WDR3: variants seen among roughly 807,000 people sequenced by gnomAD.
WDR3 encodes the protein WD repeat domain 3, also known as WD repeat-containing protein 3.
Under a neutral mutation model 123.7 loss-of-function variants are expected in WDR3, and 81 were observed. The ratio of observed to expected loss-of-function variants is 0.65; its 90% CI spans 0.55 to 0.79. The LOEUF (loss-of-function observed/expected upper bound fraction) is 0.79, where lower values mean the gene tolerates loss of function less well. Ranked by LOEUF, WDR3 falls within the 30% of genes least tolerant of loss-of-function variation. The probability of loss-of-function intolerance (pLI) is 0.00; values close to 1 mark genes in which losing one functional copy is unlikely to be tolerated. For synonymous variants in WDR3, 390 were observed against 388.8 expected (o/e 1.00, Z -0.04); for missense variants, 1,027 against 1,123.2 (o/e 0.91, Z 1.22).
intron 1 of WDR3, among the ~76,000 whole-genome samples, chr1:117,932,418 C>T (rs1650762489): frequency 6.6e-6 from 1 of 152,152 alleles, no homozygotes; most frequent in Admixed American, 6.5e-5. Flanking sequence ...AAATCAGAAA[C>T]AGGTGCTGGG....
chr1:117,956,864 C>T (rs1652275092), intron 24 of WDR3, among the ~76,000 whole-genome samples: 1 of 151,914 alleles, frequency 6.6e-6, no homozygotes. Flanking sequence ...ATGCCATTGA[C>T]CAAAATGCAT....
Position 117,936,893 on chromosome 1 carries a change from G to A in WDR3, c.500+6G>A, listed in dbSNP as rs748811430. 11 of 1,599,642 alleles carry A rather than the reference G, an allele frequency of 6.9e-6. No individual in the cohort carries two copies. Among genetic ancestry groups the A allele is most frequent in the East Asian group, 2.2e-5 (1 of 44,770 alleles). On this transcript the variant is annotated splice_donor_region_variant and intron_variant, in intron 4 of 26. Coordinates refer to ENST00000349139, the MANE Select transcript of WDR3 (RefSeq NM_006784.3). ...AAGAACCTGCTAGTTACTAGGTAAA[G>A]AAATAATGGTTTAATTTCCAGTTAT... is the stretch of plus-strand genomic sequence containing the variant.
chr1:117,946,880 G>A (rs1651420971), intron 12 of WDR3, among the ~76,000 whole-genome samples: 1 of 146,044 alleles, frequency 6.8e-6, no homozygotes, highest in Admixed American at 7.0e-5. Flanking sequence ...GGTGGAGCTT[G>A]CAGTGAGCCG....
Position 117,963,735 on chromosome 1 carries a change from C to A in WDR3, c.*4288C>A. 6.9e-7 allele frequency: 1 copy of A among 1,459,218 alleles called. No homozygotes were observed. The highest frequency in any genetic ancestry group is 9.3e-7 in the Non-Finnish European group (1 of 1,071,292). 90.4% of individuals were successfully genotyped at this position (1,459,218 alleles called of 1,614,324 possible). A position where few individuals can be genotyped will look rare whatever the true frequency, so the allele number is the denominator to read the frequency against. On this transcript the variant is annotated 3_prime_UTR_variant, in exon 27 of 27. Transcript: ENST00000349139. ...TGACTATAAGAAGAGGGGAAGAAAC[C>A]TGGGGTCTAATACCTCAAATTTGAA... is the stretch of plus-strand genomic sequence containing the variant.
At chr1:117,939,793 A>G (rs964851630) in intron 6 of WDR3, among the ~76,000 whole-genome samples, 2 of 152,158 alleles carry the variant, frequency 1.3e-5, no homozygotes, top group African/African-American at 2.4e-5. Context: ...TGGTAATACT[A>G]ATGTTTTAGT....
Position 117,941,790 on chromosome 1 carries a change from A to G in WDR3, c.932A>G (p.Lys311Arg). Residue 311 changes from lysine (K) to arginine (R), a missense_variant, in exon 9 of 27, where the codon AAA becomes AGA. By Grantham distance (26) the Lys-to-Arg change is conservative (BLOSUM62 2). Transcript: ENST00000349139. ...CTAGAATTGTTTTGTATCCTTTCCA[A>G]AAAGGAAATTCAGAAGAAAATGGAT... ...SVLELFCILS[K>R]KEIQKKMDKK... 1 of 1,611,286 alleles carries G rather than the reference A, an allele frequency of 6.2e-7. No homozygotes were observed. The highest frequency in any genetic ancestry group is 8.5e-7 in the Non-Finnish European group (1 of 1,179,388).
At chr1:117,938,298 G>T (rs1190979420) in intron 4 of WDR3, among the ~76,000 whole-genome samples, 182 bp from the exon 5 acceptor site, 1 of 152,176 alleles carries the variant, frequency 6.6e-6, no homozygotes, top group African/African-American at 2.4e-5. Context: ...TTCTGCACAG[G>T]AATAACTACA....
Position 117,948,496 on chromosome 1 carries a change from C to T in WDR3, c.1514C>T (p.Ser505Phe). ...GGAGCTTTGTGGTCCATGTCCCTCT[C>T]TCCAGATCAGGTAACTAAACCAGAT... ...HDGALWSMSL[S>F]PDQRGFVTGG... Residue 505 changes from serine to phenylalanine, a missense_variant, in exon 13 of 27, where the codon TCT becomes TTT. Ser to Phe is a radical substitution (Grantham distance 155). Coordinates refer to ENST00000349139, the MANE Select transcript of WDR3 (RefSeq NM_006784.3). 1 of 1,613,308 alleles carries T rather than the reference C, an allele frequency of 6.2e-7. No individual in the cohort carries two copies. The highest frequency in any genetic ancestry group is 1.1e-5 in the South Asian group (1 of 90,960).
intron 10 of WDR3, among the ~76,000 whole-genome samples, chr1:117,943,088 G>T (rs189504226): frequency 6.6e-6 from 1 of 151,902 alleles, no homozygotes; most frequent in South Asian, 2.1e-4. Flanking sequence ...CAGTAACTGG[G>T]ATTACAGACT....
intron 2 of WDR3, 26 bp downstream of exon 2, chr1:117,933,516 A>G: frequency 6.2e-7 from 1 of 1,613,556 alleles, no homozygotes; most frequent in Non-Finnish European, 8.5e-7. Flanking sequence ...CCAGTTTGAT[A>G]CTGATTTATT....
intron 25 of WDR3, among the ~76,000 whole-genome samples, chr1:117,957,788 A>G (rs1023157310): frequency 6.6e-6 from 1 of 152,174 alleles, no homozygotes; most frequent in Non-Finnish European, 1.5e-5. Flanking sequence ...AGCCAAAAGG[A>G]TGGACATTCC....
Position 117,960,971 on chromosome 1 carries a change from A to C in WDR3, c.*1524A>C, listed in dbSNP as rs973502987. 1.3e-5 allele frequency: 2 copies of C among 152,040 alleles called. No individual in the cohort carries two copies. The highest frequency in any genetic ancestry group is 2.9e-5 in the Non-Finnish European group (2 of 68,002). The allele number at this position is 152,040 out of a possible 1,614,324, so 9.4% of individuals were successfully genotyped here. On this transcript the variant is annotated 3_prime_UTR_variant, in exon 27 of 27. Transcript: ENST00000349139. ...TTCTCATTGTTTCAGATCTCCAAAA[A>C]TTTTTCCAATATATTTATTGAAAAT... is the stretch of plus-strand genomic sequence containing the variant.
intron 13 of WDR3, 79 bp from the exon 14 acceptor site, chr1:117,949,672 T>A: frequency 1.4e-6 from 2 of 1,480,336 alleles, no homozygotes; most frequent in East Asian, 4.8e-5. Context: ...AAATACTTTC[T>A]TAGACTTTTA....
intron 6 of WDR3, among the ~76,000 whole-genome samples, chr1:117,940,242 C>T (rs138569809): frequency 6.6e-6 from 1 of 152,206 alleles, no homozygotes; most frequent in Admixed American, 6.5e-5. Flanking sequence ...TGTCACTAAA[C>T]AGTAGTCCTT....
chr1:117,932,512 T>C (rs1650768074), intron 1 of WDR3, among the ~76,000 whole-genome samples: 1 of 152,114 alleles, frequency 6.6e-6, no homozygotes, highest in Non-Finnish European at 1.5e-5. Flanking sequence ...AGAGAACCAC[T>C]GTACAAGAAG....
chr1:117,953,844 C>A (rs1651771769), intron 21 of WDR3, 163 bp from the exon 22 acceptor site: 1 of 647,692 alleles, frequency 1.5e-6, no homozygotes, highest in Non-Finnish European at 2.6e-6. Context: ...AATAAGAAAA[C>A]CAAAAATGTC....
intron 21 of WDR3, 146 bp from the exon 22 acceptor site, chr1:117,953,861 T>A: frequency 4.4e-6 from 3 of 688,678 alleles, no homozygotes; most frequent in Non-Finnish European, 7.3e-6. Flanking sequence ...TGTCTTTAAA[T>A]GCTTTTTGGC....
intron 1 of WDR3, among the ~76,000 whole-genome samples, chr1:117,930,859 A>T (rs1650688242): frequency 6.6e-6 from 1 of 152,204 alleles, no homozygotes; most frequent in Admixed American, 6.5e-5. Flanking sequence ...AATGACTTTG[A>T]GTTAGCAATT....
At position 117,939,561 on chromosome 1, in the gene WDR3, T is replaced by G; in HGVS notation, c.664T>G (p.Tyr222Asp). The G allele has an allele frequency of 1.2e-6, 2 of 1,613,638 alleles. No homozygotes were observed. Among genetic ancestry groups the G allele is most frequent in the East Asian group, 4.5e-5 (2 of 44,856 alleles). ...TGAACTGAGGGTATGGGACATAGCT[T>G]ATCTGCAAGAGGTAATTACTTCTTA... Reference protein sequence around the residue: ...DSELRVWDIAYLQEIEDPEEP... With the variant: ...DSELRVWDIADLQEIEDPEEP... The change falls in exon 6 of 27, where the codon TAT becomes GAT. Residue 222 changes from tyrosine (Y) to aspartate (D), a missense_variant. Tyr to Asp is a radical substitution (Grantham distance 160). Transcript: ENST00000349139.
Sources: allele counts gnomAD v4.1 joint callset (sites outside exome capture counted in the v4.1 genomes callset), GRCh38; gene constraint gnomAD v4.1.1; transcripts MANE v1.5; gene names NCBI Gene and HGNC (gene_info 2026-07-23, HGNC 2026-07-21).